Variants in TPCN1 observed in about 807,000 individuals in gnomAD.
TPCN1 encodes two pore segment channel 1.
A neutral mutation model predicts 108.8 loss-of-function variants in TPCN1; 52 were observed. The observed-to-expected ratio is 0.48, with a 90% CI of 0.38 to 0.60. The LOEUF is 0.60. Among genes scored for constraint, TPCN1 ranks in the 20% least tolerant of loss-of-function variants. The pLI is 0.00. For missense variants in TPCN1, 806 were observed against 1,072.8 expected, an observed-to-expected ratio of 0.75 and a Z score of 3.47; for synonymous variants, 446 against 433.7, an observed-to-expected ratio of 1.03 and a Z score of -0.35.
intron 2 of TPCN1, among the ~76,000 whole-genome samples, chr12:113,227,693 A>C (rs1953525062): frequency 6.6e-6 from 1 of 152,098 alleles, no homozygotes; most frequent in South Asian, 2.1e-4. Flanking sequence ...GGGTCCTAAG[A>C]CATCAGGAAG....
chr12:113,296,205 A>T lies in TPCN1; in HGVS notation c.*129A>T. On this transcript the variant is annotated 3_prime_UTR_variant, in exon 28 of 28. Transcript: ENST00000335509. ...ATATTTATATACAGGAAGAAAAAAG[A>T]CAGACAAGATGGGGCTTGGTTTATA... 7.2e-7 allele frequency: 1 copy of T among 1,393,140 alleles called. No homozygotes were observed. The allele number at this position is 1,393,140 out of a possible 1,614,324, so 86.3% of individuals were successfully genotyped here.
intron 2 of TPCN1, among the ~76,000 whole-genome samples, chr12:113,243,153 T>G (rs1249640196): frequency 6.6e-6 from 1 of 152,152 alleles, no homozygotes; most frequent in Non-Finnish European, 1.5e-5. Flanking sequence ...GTGGATCACT[T>G]GATGTCAGAA....
intron 3 of TPCN1, among the ~76,000 whole-genome samples, chr12:113,264,879 A>C (rs560642974): frequency 6.6e-6 from 1 of 152,064 alleles, no homozygotes; most frequent in Non-Finnish European, 1.5e-5. Flanking sequence ...AGGTTGGAGT[A>C]TAGTGGTACA....
chr12:113,242,689 A>G (rs1052918941), intron 2 of TPCN1, among the ~76,000 whole-genome samples: 7 of 151,736 alleles, frequency 4.6e-5, no homozygotes, highest in African/African-American at 1.7e-4. Context: ...AGTTTCTCAG[A>G]CGTGCCCTGC....
chr12:113,224,572 A>G (rs1026837964), intron 1 of TPCN1, among the ~76,000 whole-genome samples: 19 of 150,288 alleles, frequency 1.3e-4, no homozygotes, highest in Non-Finnish European at 2.5e-4. Context: ...AATTTTTTGT[A>G]TTTTTAGTAG....
At chr12:113,239,027 G>C (rs1005468247) in intron 2 of TPCN1, among the ~76,000 whole-genome samples, 23 of 152,170 alleles carry the variant, frequency 1.5e-4, no homozygotes, top group Non-Finnish European at 2.9e-4. Flanking sequence ...TCAGCTCCTT[G>C]AGAGGCTGAG....
intron 2 of TPCN1, among the ~76,000 whole-genome samples, chr12:113,248,230 C>A (rs1456474978): frequency 6.6e-6 from 1 of 152,276 alleles, no homozygotes; most frequent in Non-Finnish European, 1.5e-5. Flanking sequence ...CCTGGCCATC[C>A]TTAAGTGCCC....
chr12:113,292,133 T>G, intron 25 of TPCN1, 175 bp downstream of exon 25: 1 of 610,168 alleles, frequency 1.6e-6, no homozygotes, highest in Non-Finnish European at 2.9e-6. Flanking sequence ...GATTTTCAAA[T>G]ATTTAATGTC....
At chr12:113,259,211 A>G (rs1181000468) in intron 2 of TPCN1, among the ~76,000 whole-genome samples, 1 of 152,160 alleles carries the variant, frequency 6.6e-6, no homozygotes, top group Admixed American at 6.5e-5. Flanking sequence ...TCCTGATCTC[A>G]GGTGATCCGT....
Position 113,297,937 on chromosome 12 carries a change from G to C in TPCN1, c.*1861G>C, listed in dbSNP as rs2288365. On this transcript the variant is annotated 3_prime_UTR_variant, in exon 28 of 28. Transcript: ENST00000335509. This position sits in a 1 kb window ranked among gnomAD's most constrained non-coding sequence, Gnocchi z 4.4. ...TGACCTGAGCATCTGGGCCTCGCCT[G>C]GGCCCTTCTTCCTCCCCAGGGGTGG... is the stretch of plus-strand genomic sequence containing the variant. 0.22 allele frequency: 33,834 copies of C among 152,210 alleles called. 4,253 individuals carry two copies. The highest frequency in any genetic ancestry group is 0.33 in the African/African-American group (13,726 of 41,470). The allele number at this position is 152,210 out of a possible 1,614,324, so 9.4% of individuals were successfully genotyped here. A position where few individuals can be genotyped will look rare whatever the true frequency, so the allele number is the denominator to read the frequency against.
intron 23 of TPCN1, 115 bp downstream of exon 23, chr12:113,291,113 G>C (rs1956252219): frequency 1.9e-6 from 2 of 1,030,070 alleles, no homozygotes; most frequent in African/African-American, 3.1e-5. Context: ...TGGGGGTCTT[G>C]AGTCATGCTG....
At chr12:113,295,848 C>A in intron 27 of TPCN1, 112 bp from the exon 28 acceptor site, 1 of 1,231,208 alleles carries the variant, frequency 8.1e-7, no homozygotes, top group Non-Finnish European at 1.1e-6. Flanking sequence ...CTGGGTGAGG[C>A]TGGCAGCCCT....
intron 17 of TPCN1, among the ~76,000 whole-genome samples, 192 bp from the exon 18 acceptor site, chr12:113,285,697 C>G (rs559449436): frequency 3.3e-5 from 5 of 152,310 alleles, no homozygotes; most frequent in African/African-American, 1.2e-4. Context: ...AGCAGATTAC[C>G]CAGTTGGCCA....
At position 113,293,488 on chromosome 12, in the gene TPCN1, G is replaced by A. The variant is rs1178545760; in HGVS notation, c.2334+139G>A. ...GACCGTCCATCGGGACCACTGCTGG[G>A]GTTGTGTGGGACCTGAGCGGGGCTC... On this transcript the variant is annotated intron_variant, in intron 27 of 27. Coordinates refer to ENST00000335509, the MANE Select transcript of TPCN1 (RefSeq NM_017901.6). The A allele has an allele frequency of 3.6e-6, 3 of 843,650 alleles. No individual in the cohort carries two copies. In the Admixed American group the frequency reaches 6.0e-5, roughly 17 times the overall value. 52.3% of individuals were successfully genotyped at this position (843,650 alleles called of 1,614,324 possible).
At chr12:113,243,686 G>A (rs1212332320) in intron 2 of TPCN1, among the ~76,000 whole-genome samples, 3 of 152,130 alleles carry the variant, frequency 2.0e-5, no homozygotes, top group Non-Finnish European at 4.4e-5. Context: ...CTTGAGAGGT[G>A]GAGGTTGCAG....
At chr12:113,271,509 T>A (rs1185728525) in intron 7 of TPCN1, among the ~76,000 whole-genome samples, 1 of 152,208 alleles carries the variant, frequency 6.6e-6, no homozygotes, top group Non-Finnish European at 1.5e-5. Context: ...TTTGCATACT[T>A]AAAAAAGTCT....
intron 2 of TPCN1, among the ~76,000 whole-genome samples, chr12:113,242,975 C>T (rs1187839148): frequency 6.6e-6 from 1 of 152,218 alleles, no homozygotes; most frequent in African/African-American, 2.4e-5. Flanking sequence ...TTCACCTTTT[C>T]TAATCCAACA....
At chr12:113,267,643 A>G (rs114751228) in intron 4 of TPCN1, among the ~76,000 whole-genome samples, 200 bp from the exon 5 acceptor site, 1 of 152,068 alleles carries the variant, frequency 6.6e-6, no homozygotes, top group East Asian at 1.9e-4. Flanking sequence ...TTTCATGGAT[A>G]TCAAGTTTAT....
intron 3 of TPCN1, among the ~76,000 whole-genome samples, chr12:113,261,139 G>A (rs1018741563): frequency 2.6e-5 from 4 of 152,002 alleles, no homozygotes; most frequent in Admixed American, 6.6e-5. Flanking sequence ...AGCCGAGATC[G>A]CACCACTGCA....
Sources: allele counts gnomAD v4.1 joint callset (sites outside exome capture counted in the v4.1 genomes callset), GRCh38; gene constraint gnomAD v4.1.1; non-coding constraint Gnocchi (gnomAD v3.1); transcripts MANE v1.5; gene names NCBI Gene and HGNC (gene_info 2026-07-23, HGNC 2026-07-21).